The following RBM23 variants were observed in gnomAD, a reference collection of about 807,000 sequenced individuals.
RBM23 encodes probable RNA-binding protein 23.
Under a neutral mutation model 56.2 loss-of-function variants are expected in RBM23, and 53 were observed. The observed-to-expected ratio is 0.94, with a 90% confidence interval of 0.76 to 1.19. The LOEUF is 1.19. Ranked by LOEUF, RBM23 falls within the 50% of genes most tolerant of loss-of-function variation. The probability of loss-of-function intolerance (pLI) is 0.00; values close to 1 mark genes in which losing one functional copy is unlikely to be tolerated. For synonymous variants in RBM23, 197 were observed against 198.5 expected, an observed-to-expected ratio of 0.99 and a Z score of 0.06; for missense variants, 642 against 590.3, an observed-to-expected ratio of 1.09 and a Z score of -0.91.
Position 22,905,337 on chromosome 14 carries a change from T to C in RBM23, c.572A>G (p.Lys191Arg), listed in dbSNP as rs1053073654. ...AGAAAACTAAGGTGGGAGGGTTACC[T>C]TGCCTACAGCAGAGAAAAAGTCCTC... ...DLEDFFSAVG[K>R]VRDVRIISDR... Residue 191 changes from lysine (K) to arginine (R), a missense_variant and splice_region_variant, in exon 7 of 14, where the codon AAG (lysine) becomes AGG (arginine). By Grantham distance (26) the Lys-to-Arg change is conservative. Transcript: ENST00000359890. 6.2e-7 allele frequency: 1 copy of C among 1,614,056 alleles called. No homozygotes were observed. Among genetic ancestry groups the C allele is most frequent in the Admixed American group, 1.7e-5 (1 of 60,002 alleles).
chr14:22,902,537 C>T (rs1196996687), intron 10 of RBM23, 155 bp from the exon 11 acceptor site: 27 of 1,360,336 alleles, frequency 2.0e-5, no homozygotes, highest in Non-Finnish European at 2.5e-5. Context: ...GGCCCATCAC[C>T]TCAAAATGGT....
Position 22,906,252 on chromosome 14 carries a change from C to G in RBM23, c.344G>C (p.Ser115Thr), listed in dbSNP as rs752002974. 1 of 1,614,260 alleles carries G rather than the reference C, an allele frequency of 6.2e-7. No individual in the cohort carries two copies. The highest frequency in any genetic ancestry group is 1.1e-5 in the South Asian group (1 of 91,086). ...ACGATCCTCACGACGATGGTCCCGA[C>G]TTCGCGACTCACTACCATGTCGACG... is the stretch of plus-strand genomic sequence containing the variant. ...WDRRHGSESR[S>T]RDHRREDRVH... Residue 115 changes from serine (S) to threonine (T), a missense_variant, in exon 5 of 14, where the codon AGT (serine) becomes ACT (threonine). Coordinates refer to ENST00000359890, the MANE Select transcript of RBM23 (RefSeq NM_001077351.2).
rs17124259 is a variant in RBM23, at chr14:22,909,357, G to C, written c.179+126C>G. 7,323 of 751,598 alleles carry C rather than the reference G, an allele frequency of 9.7e-3. 46 individuals carry two copies. The highest frequency in any genetic ancestry group is 0.038 in the Middle Eastern group (99 of 2,596). The allele number at this position is 751,598 out of a possible 1,614,324, so 46.6% of individuals were successfully genotyped here. On this transcript the variant is annotated intron_variant, in intron 3 of 13. Transcript: ENST00000359890. ...AAGTCACCATTATTCTCATGACCTA[G>C]GTGGAGCCATTACTAACAGTCAGCA...
chr14:22,914,408 C>T (rs955179836), intron 1 of RBM23, among the ~76,000 whole-genome samples: 2 of 151,300 alleles, frequency 1.3e-5, no homozygotes, highest in African/African-American at 4.9e-5. Flanking sequence ...ACTAGAATTG[C>T]TTGAACCCAG....
At chr14:22,905,280 C>A in intron 7 of RBM23, 34 bp from the exon 8 acceptor site, 3 of 1,613,838 alleles carry the variant, frequency 1.9e-6, no homozygotes, top group East Asian at 2.2e-5. Flanking sequence ...CTGAGTTAGG[C>A]ATAAAGGGAG....
chr14:22,898,030 T>G lies in RBM23; in HGVS notation c.*3700A>C, dbSNP rs1319228680. 1 of 152,252 alleles carries G rather than the reference T, an allele frequency of 6.6e-6. No homozygotes were observed. Among genetic ancestry groups the G allele is most frequent in the Non-Finnish European group, 1.5e-5 (1 of 68,046 alleles). 9.4% of individuals were successfully genotyped at this position (152,252 alleles called of 1,614,324 possible). A position where few individuals can be genotyped will look rare whatever the true frequency, so the allele number is the denominator to read the frequency against. ...CACCTTTCAGAGTCTCTTTTCACTG[T>G]CCAAGTGTTGCTGCCTGATTTTCAC... is the stretch of plus-strand genomic sequence containing the variant. On this transcript the variant is annotated 3_prime_UTR_variant, in exon 14 of 14. Transcript: ENST00000359890.
intron 10 of RBM23, 169 bp downstream of exon 10, chr14:22,904,092 C>G: frequency 6.5e-7 from 1 of 1,531,630 alleles, no homozygotes; most frequent in Non-Finnish European, 8.8e-7. Context: ...GCCAAGATCT[C>G]AAGCAATGCA....
chr14:22,904,347 A>G (rs1325458940), intron 9 of RBM23, 21 bp from the exon 10 acceptor site: 2 of 1,588,670 alleles, frequency 1.3e-6, no homozygotes, highest in South Asian at 1.1e-5. Flanking sequence ...GTGAGAAATT[A>G]TCAGTAAACT....
At position 22,899,238 on chromosome 14, in the gene RBM23, G is replaced by C. The variant is rs952808314; in HGVS notation, c.*2492C>G. ...TCACACAGCAGGTTATCATGAGAGA[G>C]GGCTGTTATAAAGCAAGTTTGGCCC... is the stretch of plus-strand genomic sequence containing the variant. On this transcript the variant is annotated 3_prime_UTR_variant, in exon 14 of 14. Coordinates refer to ENST00000359890, the MANE Select transcript of RBM23 (RefSeq NM_001077351.2). 2 of 152,180 alleles carry C rather than the reference G, an allele frequency of 1.3e-5. No homozygotes were observed. Among genetic ancestry groups the C allele is most frequent in the African/African-American group, 2.4e-5 (1 of 41,426 alleles). The allele number at this position is 152,180 out of a possible 1,614,324, so 9.4% of individuals were successfully genotyped here.
At chr14:22,917,042 A>AT (rs1245781322) in intron 1 of RBM23, 1 of 151,868 alleles carries the variant, frequency 6.6e-6, no homozygotes, top group Non-Finnish European at 1.5e-5. Context: ...CTAATGTTGT[A>AT]TTTTTAGCAG....
Position 22,902,491 on chromosome 14 carries a change from AG to A in RBM23, c.931-110del, listed in dbSNP as rs1196928647. 15 of 1,441,980 alleles carry A rather than the reference AG, an allele frequency of 1.0e-5. No individual in the cohort carries two copies. The Admixed American group carries it at 2.0e-4, about 19-fold the overall frequency. 89.3% of individuals were successfully genotyped at this position (1,441,980 alleles called of 1,614,324 possible). On this transcript the variant is annotated intron_variant, in intron 10 of 13. Coordinates refer to ENST00000359890, the MANE Select transcript of RBM23 (RefSeq NM_001077351.2). ...TCCCAGGAAAATTGTATGCTCACTG[AG>A]GTACAAACTTTTCTTTCCCAGAAAA...
Position 22,906,268 on chromosome 14 carries a change from C to T in RBM23, c.328G>A (p.Gly110Ser), listed in dbSNP as rs1303249491. The change falls in exon 5 of 14, where the codon GGT (glycine) becomes AGT (serine). Residue 110 changes from glycine to serine, a missense_variant. Transcript: ENST00000359890. ...TGGTCCCGACTTCGCGACTCACTAC[C>T]ATGTCGACGATCCCAGCTACGGCTA... The part of the protein sequence containing the change: ...HRSRSWDRRH[G>S]SESRSRDHRR... 4 of 1,614,124 alleles carry T rather than the reference C, an allele frequency of 2.5e-6. No individual in the cohort carries two copies. The highest frequency in any genetic ancestry group is 2.5e-6 in the Non-Finnish European group (3 of 1,180,056).
Position 22,897,680 on chromosome 14 carries a change from G to A in RBM23, c.*4050C>T, listed in dbSNP as rs1003142673. 6.6e-6 allele frequency: 1 copy of A among 152,164 alleles called. No homozygotes were observed. The highest frequency in any genetic ancestry group is 2.4e-5 in the African/African-American group (1 of 41,418). 9.4% of individuals were successfully genotyped at this position (152,164 alleles called of 1,614,324 possible). A position where few individuals can be genotyped will look rare whatever the true frequency, so the allele number is the denominator to read the frequency against. Reference sequence around the variant, plus strand: ...AATTCTGAGTCTACGGAGAGCTATGGGTACAGGGATAGGAAAAGTGACACT... The same window carrying A: ...AATTCTGAGTCTACGGAGAGCTATGAGTACAGGGATAGGAAAAGTGACACT... On this transcript the variant is annotated 3_prime_UTR_variant, in exon 14 of 14. Transcript: ENST00000359890.
intron 4 of RBM23, among the ~76,000 whole-genome samples, chr14:22,906,848 G>A (rs2041660711): frequency 6.6e-6 from 1 of 152,192 alleles, no homozygotes; most frequent in Admixed American, 6.5e-5. Flanking sequence ...AGACCAGCCT[G>A]ACCAACATGG....
chr14:22,904,105 C>T (rs1741734350), intron 10 of RBM23, 156 bp downstream of exon 10: 5 of 1,538,892 alleles, frequency 3.2e-6, no homozygotes, highest in African/African-American at 2.7e-5. Context: ...GCAATGCACT[C>T]ATCTCAAGGG....
At position 22,910,467 on chromosome 14, in the gene RBM23, A is replaced by G. The variant is rs868833130; in HGVS notation, c.66+861T>C. Reference sequence around the variant, plus strand: ...CTTCATCTCAAAAAAAAAAAAAAAAAAAAAAAAAGAAAGGAAAAAAGAAAG... The same window carrying G: ...CTTCATCTCAAAAAAAAAAAAAAAAGAAAAAAAAGAAAGGAAAAAAGAAAG... On this transcript the variant is annotated intron_variant, in intron 2 of 13. Coordinates refer to ENST00000359890, the MANE Select transcript of RBM23 (RefSeq NM_001077351.2). 5.3e-3 allele frequency among the ~76,000 whole-genome samples: 753 copies of G among 141,906 alleles called. 7 individuals are homozygous for G. Among genetic ancestry groups the G allele is most frequent in the African/African-American group, 0.018 (712 of 40,178 alleles). The allele number at this position is 141,906 out of a possible 152,430, so 93.1% of individuals were successfully genotyped here. A position where few individuals can be genotyped will look rare whatever the true frequency, so the allele number is the denominator to read the frequency against.
rs1454222627 is a variant in RBM23, at chr14:22,911,326, A to G, written c.66+2T>C. On this transcript the variant is annotated splice_donor_variant, in intron 2 of 13. Transcript: ENST00000359890. LOFTEE classifies it high-confidence loss of function. ...TTCCAGGAGTGAGGTGGAAAATATT[A>G]CCTCTTCTTTTTTATAGGGAGCTTC... 1.2e-6 allele frequency: 2 copies of G among 1,613,162 alleles called. No homozygotes were observed. Among genetic ancestry groups the G allele is most frequent in the Non-Finnish European group, 1.7e-6 (2 of 1,179,346 alleles).
intron 1 of RBM23, among the ~76,000 whole-genome samples, chr14:22,915,777 A>G (rs956026710): frequency 6.6e-6 from 1 of 152,264 alleles, no homozygotes; most frequent in Non-Finnish European, 1.5e-5. Flanking sequence ...TACAGGCATG[A>G]GCCACTGTGC....
rs1555335580 is a variant in RBM23, at chr14:22,902,050, G to GGCGGCGGCGGCAGCA, written c.1175_1176insTGCTGCCGCCGCCGC (p.Ala389_Ala393dup). ...TCAGTTGCAAGGCAGCAGCCTGGGC[G>GGCGGCGGCGGCAGCA]GCGGCGGCAGCAGCAGCAGCAGCAG... On this transcript the variant is annotated inframe_insertion, in exon 12 of 14. Transcript: ENST00000359890. The GGCGGCGGCGGCAGCA allele has an allele frequency of 6.2e-7, 1 of 1,612,310 alleles. No homozygotes were observed. The highest frequency in any genetic ancestry group is 1.1e-5 in the South Asian group (1 of 90,896).
Sources: gnomAD v4.1 joint callset for allele counts (sites outside exome capture counted in the v4.1 genomes callset) on GRCh38, gnomAD v4.1.1 for gene constraint, MANE v1.5 for transcripts, NCBI Gene and HGNC (gene_info 2026-07-23, HGNC 2026-07-21) for gene names.